The following IL1RAPL1 variants were observed in gnomAD, a reference collection of about 807,000 sequenced individuals.
IL1RAPL1 encodes interleukin 1 receptor accessory protein like 1, also known as interleukin-1 receptor accessory protein-like 1.
Under a neutral mutation model 48.4 loss-of-function variants are expected in IL1RAPL1, and 3 were observed. The ratio of observed to expected loss-of-function variants is 0.06; its 90% CI spans 0.03 to 0.16. IL1RAPL1 has a LOEUF of 0.16. Ranked by LOEUF, IL1RAPL1 falls within the 10% of genes least tolerant of loss-of-function variation. IL1RAPL1 has a pLI of 1.00. For synonymous variants in IL1RAPL1, 185 were observed against 187.7 expected, an observed-to-expected ratio of 0.99 and a Z score of 0.12; for missense variants, 349 against 530.6, an observed-to-expected ratio of 0.66 and a Z score of 3.36.
chrX:29,068,308 T>A (rs780527546), intron 2 of IL1RAPL1, among the ~76,000 whole-genome samples: 4 of 112,196 alleles, frequency 3.6e-5, no homozygotes, highest in Non-Finnish European at 7.5e-5. Context: ...TTTTAACCAA[T>A]CTCCTTCTTC....
rs1445442741 is a variant in IL1RAPL1, at chrX:29,946,314, C to T, written c.1201+4520C>T. On this transcript the variant is annotated intron_variant, in intron 9 of 10. Coordinates refer to ENST00000378993, the MANE Select transcript of IL1RAPL1 (RefSeq NM_014271.4). ...AAGCAATTGCCATCAAAGGGTGACC[C>T]ACCTTACTTTTGTAGCATTGCCACC... Among the ~76,000 whole-genome samples the T allele has an allele frequency of 6.2e-5, 7 of 112,130 alleles. No homozygotes were observed. The East Asian group carries it at 1.1e-3, about 18-fold the overall frequency.
At chrX:29,168,971 G>A (rs1305449192) in intron 2 of IL1RAPL1, among the ~76,000 whole-genome samples, 1 of 99,777 alleles carries the variant, frequency 1.0e-5, no homozygotes, top group African/African-American at 3.6e-5. Flanking sequence ...ATATTCATAT[G>A]TACAATTGTA....
intron 2 of IL1RAPL1, among the ~76,000 whole-genome samples, chrX:28,819,728 G>C (rs1013575268): frequency 9.3e-6 from 1 of 107,528 alleles, no homozygotes; most frequent in Non-Finnish European, 1.9e-5. Context: ...AGAAACCTAG[G>C]ATGCAGGTTA....
At chrX:29,739,539 G>A (rs1928140953) in intron 6 of IL1RAPL1, among the ~76,000 whole-genome samples, 1 of 111,188 alleles carries the variant, frequency 9.0e-6, no homozygotes, top group South Asian at 3.8e-4. Flanking sequence ...CTTTTAATAT[G>A]ATTATTCATG....
intron 2 of IL1RAPL1, among the ~76,000 whole-genome samples, chrX:28,868,528 G>A (rs1462579049): frequency 9.1e-6 from 1 of 110,363 alleles, no homozygotes; most frequent in Admixed American, 9.7e-5. Flanking sequence ...CATTTCTCAA[G>A]CCTTCAACAT....
At chrX:28,980,546 A>G (rs1375489844) in intron 2 of IL1RAPL1, among the ~76,000 whole-genome samples, 1 of 111,630 alleles carries the variant, frequency 9.0e-6, no homozygotes, top group African/African-American at 3.3e-5. Flanking sequence ...TACTCCCCGC[A>G]CCTTCTGCCA....
chrX:28,792,534 TC>T (rs772463966), intron 2 of IL1RAPL1, among the ~76,000 whole-genome samples: 147 of 77,827 alleles, frequency 1.9e-3, no homozygotes, highest in African/African-American at 6.0e-3. Context: ...ACGCCTGTAA[TC>T]CCAGCACTTT....
At chrX:29,304,793 G>A (rs990568945) in intron 3 of IL1RAPL1, among the ~76,000 whole-genome samples, 1 of 112,364 alleles carries the variant, frequency 8.9e-6, no homozygotes, top group East Asian at 2.8e-4. Context: ...TATTTGAGAC[G>A]AAGTTTCACT....
At chrX:29,512,524 TA>T (rs1935404186) in intron 5 of IL1RAPL1, among the ~76,000 whole-genome samples, 1 of 43,369 alleles carries the variant, frequency 2.3e-5, no homozygotes, top group Non-Finnish European at 5.2e-5. Flanking sequence ...ATCTCGTTAA[TA>T]TTTTTTTAGG....
intron 2 of IL1RAPL1, among the ~76,000 whole-genome samples, chrX:28,917,931 T>C (rs902320511): frequency 1.8e-5 from 2 of 112,267 alleles, no homozygotes; most frequent in Non-Finnish European, 3.8e-5. Flanking sequence ...AGTTTGTTAA[T>C]GATGTCCAAT....
intron 5 of IL1RAPL1, among the ~76,000 whole-genome samples, chrX:29,422,790 A>G (rs1331568239): frequency 9.0e-6 from 1 of 111,621 alleles, no homozygotes; most frequent in Non-Finnish European, 1.9e-5. Flanking sequence ...GTTGCATTAA[A>G]ACAACTACAA....
At chrX:28,867,663 A>T (rs1470932444) in intron 2 of IL1RAPL1, among the ~76,000 whole-genome samples, 1 of 112,202 alleles carries the variant, frequency 8.9e-6, no homozygotes, top group Non-Finnish European at 1.9e-5. Context: ...CAAGACTCAG[A>T]TGTTGCAGTT....
At chrX:29,861,244 C>T (rs1459459139) in intron 6 of IL1RAPL1, among the ~76,000 whole-genome samples, 2 of 111,670 alleles carry the variant, frequency 1.8e-5, no homozygotes, top group Non-Finnish European at 3.8e-5. Context: ...CTCTTTTCTT[C>T]TTCATCTTAG....
At chrX:28,870,337 T>C (rs1025660531) in intron 2 of IL1RAPL1, among the ~76,000 whole-genome samples, 1 of 111,617 alleles carries the variant, frequency 9.0e-6, no homozygotes, top group Non-Finnish European at 1.9e-5. Flanking sequence ...TTTCCTGATT[T>C]CTAAAATGGA....
intron 6 of IL1RAPL1, among the ~76,000 whole-genome samples, chrX:29,864,896 G>A (rs747337103): frequency 2.7e-5 from 3 of 111,678 alleles, no homozygotes; most frequent in South Asian, 3.8e-4. Flanking sequence ...TTCCTAGAGC[G>A]AGAGGTTAAC....
chrX:29,012,168 A>G (rs1455876697), intron 2 of IL1RAPL1, among the ~76,000 whole-genome samples: 1 of 112,610 alleles, frequency 8.9e-6, no homozygotes, highest in Non-Finnish European at 1.9e-5. Flanking sequence ...TGTTGAACCA[A>G]AATAAACTCA....
intron 1 of IL1RAPL1, among the ~76,000 whole-genome samples, chrX:28,650,559 GAC>G (rs2146903555): frequency 8.9e-6 from 1 of 111,836 alleles, no homozygotes; most frequent in Non-Finnish European, 1.9e-5. Flanking sequence ...TTTGGGTGGG[GAC>G]ACAGACAAAC....
chrX:29,588,164 T>C (rs1023201131), intron 5 of IL1RAPL1, among the ~76,000 whole-genome samples: 1 of 112,602 alleles, frequency 8.9e-6, no homozygotes, highest in African/African-American at 3.2e-5. Flanking sequence ...ATAAACATGA[T>C]TCTCTTTTTA....
At position 29,252,131 on chromosome X, in the gene IL1RAPL1, G is replaced by A. The variant is rs748949202; in HGVS notation, c.83-30807G>A. 4.6e-5 allele frequency among the ~76,000 whole-genome samples: 5 copies of A among 108,252 alleles called. No individual in the cohort carries two copies. The East Asian group carries it at 8.9e-4, about 19-fold the overall frequency. The allele number at this position is 108,252 out of a possible 115,157, so 94.0% of individuals were successfully genotyped here. A position where few individuals can be genotyped will look rare whatever the true frequency, so the allele number is the denominator to read the frequency against. ...GGACTGTTGTGGGGTAAGGGGAGGG[G>A]GGAGGGATAGCTTTAGGAGATATAC... On this transcript the variant is annotated intron_variant, in intron 2 of 10. Coordinates refer to ENST00000378993, the MANE Select transcript of IL1RAPL1 (RefSeq NM_014271.4).
Sources: allele counts gnomAD v4.1 joint callset (sites outside exome capture counted in the v4.1 genomes callset), GRCh38; gene constraint gnomAD v4.1.1; transcripts MANE v1.5; gene names NCBI Gene and HGNC (gene_info 2026-07-23, HGNC 2026-07-21).